The following PALM2AKAP2 variants were observed in gnomAD, a reference collection of about 807,000 sequenced individuals.
The protein encoded by PALM2AKAP2 is PALM2-AKAP2 fusion protein.
A neutral mutation model predicts 71.5 loss-of-function variants in PALM2AKAP2; 37 were observed. The observed-to-expected ratio is 0.52, with a 90% confidence interval of 0.40 to 0.68. The LOEUF (loss-of-function observed/expected upper bound fraction) is 0.68. Ranked by LOEUF, PALM2AKAP2 falls within the 30% of genes least tolerant of loss-of-function variation. The pLI, the probability that PALM2AKAP2 is intolerant of heterozygous loss-of-function variation, is 0.00. For missense variants in PALM2AKAP2, 1,224 were observed against 1,191.8 expected (o/e 1.03, Z -0.40); for synonymous variants, 468 against 478.8 (o/e 0.98, Z 0.29).
chr9:110,093,394 G>A (rs1365177231), intron 1 of PALM2AKAP2, among the ~76,000 whole-genome samples: 1 of 152,066 alleles, frequency 6.6e-6, no homozygotes, highest in Non-Finnish European at 1.5e-5. Flanking sequence ...TCTGTCAAGG[G>A]ATCAATGAGT....
intron 1 of PALM2AKAP2, among the ~76,000 whole-genome samples, chr9:109,787,682 G>T (rs1827006094): frequency 6.6e-6 from 1 of 152,142 alleles, no homozygotes; most frequent in Non-Finnish European, 1.5e-5. Flanking sequence ...GTCTTATGTT[G>T]TTACATCAAC....
intron 1 of PALM2AKAP2, among the ~76,000 whole-genome samples, chr9:109,799,671 T>C (rs1012246829): frequency 2.0e-5 from 3 of 152,164 alleles, no homozygotes; most frequent in Non-Finnish European, 2.9e-5. Context: ...TTTTTTTGTA[T>C]TTTTTGTAGA....
chr9:110,045,926 C>G (rs1833588758), upstream of PALM2AKAP2, among the ~76,000 whole-genome samples: 2 of 152,138 alleles, frequency 1.3e-5, no homozygotes, highest in African/African-American at 4.8e-5. Flanking sequence ...TCGAAAAATT[C>G]TGGGGCAAGA....
chr9:110,108,551 T>C (rs1835170192), intron 1 of PALM2AKAP2, among the ~76,000 whole-genome samples: 1 of 152,212 alleles, frequency 6.6e-6, no homozygotes. Context: ...CCTACCACTC[T>C]TTTTTCTCCT....
chr9:109,830,230 T>C (rs1191860491), intron 1 of PALM2AKAP2, among the ~76,000 whole-genome samples: 1 of 152,220 alleles, frequency 6.6e-6, no homozygotes, highest in Non-Finnish European at 1.5e-5. Context: ...TTCTCATGAG[T>C]AATTTTGATT....
chr9:109,961,458 C>G (rs1831849591), intron 6 of PALM2AKAP2, among the ~76,000 whole-genome samples: 1 of 152,160 alleles, frequency 6.6e-6, no homozygotes, highest in Non-Finnish European at 1.5e-5. Context: ...ACCAGTTGCT[C>G]TTTTCTCAGG....
intron 3 of PALM2AKAP2, among the ~76,000 whole-genome samples, chr9:109,922,032 G>A (rs1034874184): frequency 6.6e-6 from 1 of 152,070 alleles, no homozygotes; most frequent in Non-Finnish European, 1.5e-5. Flanking sequence ...TTCATGCCTG[G>A]ATCTTGGTGT....
chr9:109,841,129 A>G (rs909036649), intron 1 of PALM2AKAP2, among the ~76,000 whole-genome samples: 2 of 152,310 alleles, frequency 1.3e-5, no homozygotes, highest in Admixed American at 6.5e-5. Context: ...AAGTCCATCA[A>G]TGATAGACTG....
At chr9:110,069,696 G>A (rs1200417310) in intron 1 of PALM2AKAP2, among the ~76,000 whole-genome samples, 1 of 152,130 alleles carries the variant, frequency 6.6e-6, no homozygotes, top group African/African-American at 2.4e-5. Flanking sequence ...ACCAGGAGGC[G>A]CTGAGGGAAC....
At chr9:110,022,587 TA>T (rs200007671) in intron 7 of PALM2AKAP2, among the ~76,000 whole-genome samples, 8,426 of 151,666 alleles carry the variant, frequency 0.056, 693 homozygotes, top group African/African-American at 0.18. Flanking sequence ...TTTATTTTAT[TA>T]TTATTATACT....
At chr9:109,878,820 C>T (rs549670186) in intron 2 of PALM2AKAP2, among the ~76,000 whole-genome samples, 4 of 152,228 alleles carry the variant, frequency 2.6e-5, no homozygotes, top group African/African-American at 9.6e-5. Flanking sequence ...CCACTGCAAC[C>T]TCTGCCCCCC....
chr9:110,015,904 A>G (rs142402843), intron 6 of PALM2AKAP2, 50 bp from the exon 7 acceptor site: 14 of 1,505,890 alleles, frequency 9.3e-6, no homozygotes, highest in Middle Eastern at 1.7e-4. Flanking sequence ...CTGTGTATCC[A>G]TGTCAGCTGA....
intron 6 of PALM2AKAP2, among the ~76,000 whole-genome samples, chr9:109,998,055 G>A (rs1263319230): frequency 6.6e-6 from 1 of 152,242 alleles, no homozygotes; most frequent in Non-Finnish European, 1.5e-5. Context: ...AGAAATAACT[G>A]GCCAAGTCTC....
At position 110,010,996 on chromosome 9, in the gene PALM2AKAP2, C is replaced by CAA. The variant is rs754903953; in HGVS notation, c.497-4940_497-4939dup. 5.7e-3 allele frequency among the ~76,000 whole-genome samples: 309 copies of CAA among 54,240 alleles called. 12 individuals carry two copies. Among genetic ancestry groups the CAA allele is most frequent in the East Asian group, 9.2e-3 (24 of 2,620 alleles). 35.6% of individuals were successfully genotyped at this position (54,240 alleles called of 152,430 possible). On this transcript the variant is annotated intron_variant, in intron 6 of 9. Coordinates refer to the PALM2AKAP2 transcript ENST00000302798. Reference sequence around the variant, plus strand: ...GGGCAACAAGAGCGAAACTCTGTCTCAAAAAAAAAAAAAAAAAAATATATA... The same window carrying CAA: ...GGGCAACAAGAGCGAAACTCTGTCTCAAAAAAAAAAAAAAAAAAAAATATATA...
At chr9:110,011,191 T>C (rs1832880883) in intron 6 of PALM2AKAP2, among the ~76,000 whole-genome samples, 2 of 147,450 alleles carry the variant, frequency 1.4e-5, no homozygotes, top group Non-Finnish European at 3.0e-5. Context: ...TATATATTAA[T>C]TTATATATGG....
At chr9:109,761,649 T>C (rs1829054958) in intron 1 of PALM2AKAP2, among the ~76,000 whole-genome samples, 1 of 152,240 alleles carries the variant, frequency 6.6e-6, no homozygotes, top group Admixed American at 6.5e-5. Context: ...CTGTATTAGT[T>C]TGCTGAGAAT....
chr9:109,925,355 G>C (rs1407081078), intron 5 of PALM2AKAP2, among the ~76,000 whole-genome samples: 1 of 151,762 alleles, frequency 6.6e-6, no homozygotes, highest in Non-Finnish European at 1.5e-5. Flanking sequence ...CACTGCTTGG[G>C]CCTCTCTTGA....
intron 6 of PALM2AKAP2, among the ~76,000 whole-genome samples, chr9:110,014,801 AAAATGTATATATATAT>A (rs1480093241): frequency 0.034 from 1,402 of 41,240 alleles, 106 homozygotes; most frequent in South Asian, 0.064. Context: ...AAAAAAAAAA[AAAATGTATATATATAT>A]ATATATATAT....
exon 2 of PALM2AKAP2, chr9:110,136,799 A>G: frequency 1.2e-6 from 2 of 1,614,220 alleles, no homozygotes; most frequent in Non-Finnish European, 1.7e-6. Flanking sequence ...CCATGAGGAC[A>G]AGAAGCCCTC....
Sources: gnomAD v4.1 joint callset for allele counts (sites outside exome capture counted in the v4.1 genomes callset) on GRCh38, gnomAD v4.1.1 for gene constraint, MANE v1.5 for transcripts, NCBI Gene and HGNC (gene_info 2026-07-23, HGNC 2026-07-21) for gene names.